The following KIFC3 variants were observed in gnomAD, a reference collection of about 807,000 sequenced individuals.
KIFC3 encodes the protein kinesin-like protein KIFC3.
A neutral mutation model predicts 101.8 loss-of-function variants in KIFC3; 60 were observed. That is an observed-to-expected ratio of 0.59 (90% CI 0.48 to 0.73). The LOEUF is 0.73. Among genes scored for constraint, KIFC3 ranks in the 30% least tolerant of loss-of-function variants. The probability of loss-of-function intolerance (pLI) is 0.00; values close to 1 mark genes in which losing one functional copy is unlikely to be tolerated. For missense variants in KIFC3, 966 were observed against 1,137.1 expected (o/e 0.85, Z 2.16); for synonymous variants, 476 against 482.7 (o/e 0.99, Z 0.18).
chr16:57,858,348 G>C (rs1435869054), intron 1 of KIFC3, among the ~76,000 whole-genome samples: 1 of 152,120 alleles, frequency 6.6e-6, no homozygotes, highest in Non-Finnish European at 1.5e-5. Flanking sequence ...CCCTTCCCCG[G>C]AACACAGAAA....
intron 1 of KIFC3, among the ~76,000 whole-genome samples, chr16:57,810,316 C>T (rs186399535): frequency 6.6e-6 from 1 of 152,352 alleles, no homozygotes; most frequent in East Asian, 1.9e-4. Flanking sequence ...ACTGCTGCTG[C>T]TGCCTTTAAA....
chr16:57,815,001 GAACTGA>G (rs1388805211), intron 1 of KIFC3, among the ~76,000 whole-genome samples: 1 of 152,156 alleles, frequency 6.6e-6, no homozygotes, highest in African/African-American at 2.4e-5. Context: ...AATATGGCTG[GAACTGA>G]AACCAGCCTT....
chr16:57,824,295 G>T (rs186267596), intron 1 of KIFC3, among the ~76,000 whole-genome samples: 3 of 152,336 alleles, frequency 2.0e-5, no homozygotes, highest in African/African-American at 4.8e-5. Flanking sequence ...GCTTGTAGTG[G>T]GTAGGCTGAG....
At chr16:57,777,277 G>T (rs1020323261) in intron 3 of KIFC3, among the ~76,000 whole-genome samples, 8 of 152,162 alleles carry the variant, frequency 5.3e-5, no homozygotes, top group African/African-American at 1.7e-4. Context: ...ACTACCCAAA[G>T]TGATCTACAG....
chr16:57,788,747 G>A, intron 3 of KIFC3: 1 of 1,288,076 alleles, frequency 7.8e-7, no homozygotes, highest in Non-Finnish European at 1.0e-6. Context: ...TCACGTGAAG[G>A]AGACTGTGCC....
chr16:57,775,471 G>A, intron 3 of KIFC3: 10 of 995,874 alleles, frequency 1.0e-5, no homozygotes, highest in Non-Finnish European at 1.1e-5. Context: ...TCCTGCACTT[G>A]AAGGCAGGCA....
intron 1 of KIFC3, among the ~76,000 whole-genome samples, chr16:57,855,898 A>T (rs1332806377): frequency 6.6e-6 from 1 of 151,260 alleles, no homozygotes; most frequent in African/African-American, 2.4e-5. Flanking sequence ...GTGAGCCAAG[A>T]TCATGCCACT....
At chr16:57,802,714 C>T, upstream of KIFC3, 1 of 818,894 alleles carries the variant, frequency 1.2e-6, no homozygotes, top group East Asian at 2.8e-5. This position sits in a 1 kb window ranked among gnomAD's most constrained non-coding sequence, Gnocchi z 5.0. Flanking sequence ...CTCCCCGCGT[C>T]CCGCACTCGC....
intron 1 of KIFC3, among the ~76,000 whole-genome samples, chr16:57,837,716 C>A (rs1407292447): frequency 6.6e-6 from 1 of 152,088 alleles, no homozygotes; most frequent in South Asian, 2.1e-4. Flanking sequence ...GTGTCTGTTT[C>A]CCCCATTAGT....
intron 1 of KIFC3, among the ~76,000 whole-genome samples, chr16:57,823,949 TC>T (rs2055407973): frequency 1.3e-5 from 2 of 152,186 alleles, no homozygotes; most frequent in South Asian, 2.1e-4. Context: ...ACTTGAGGAA[TC>T]TATAGAAAAA....
rs1413848484 is a variant in KIFC3 at position 57,847,298 on chromosome 16, G to A, written c.108+15431C>T. On this transcript the variant is annotated intron_variant, in intron 1 of 2. Transcript: ENST00000563028. ...AAGGGAGGGAGGGAGAGAGGGCGGG[G>A]AGGGAGGGAGGGAGGGAGAGGTGGC... Among the ~76,000 whole-genome samples, 197 of 134,788 alleles carry A rather than the reference G, an allele frequency of 1.5e-3. 2 individuals are homozygous for A. Among genetic ancestry groups the A allele is most frequent in the African/African-American group, 5.1e-3 (179 of 35,032 alleles). 88.4% of individuals were successfully genotyped at this position (134,788 alleles called of 152,430 possible). A position where few individuals can be genotyped will look rare whatever the true frequency, so the allele number is the denominator to read the frequency against.
At chr16:57,776,509 C>T in intron 3 of KIFC3, 1 of 584,376 alleles carries the variant, frequency 1.7e-6, no homozygotes, top group Non-Finnish European at 2.2e-6. Flanking sequence ...TTGGACAAGT[C>T]TCTTAAGTTC....
At chr16:57,788,676 T>C in intron 3 of KIFC3, 1 of 1,289,524 alleles carries the variant, frequency 7.8e-7, no homozygotes, top group African/African-American at 1.5e-5. Flanking sequence ...TTTCGTCCCC[T>C]GACTCTGGCT....
upstream of KIFC3, chr16:57,802,535 C>T (rs2054809733): frequency 2.0e-6 from 2 of 986,586 alleles, no homozygotes; most frequent in African/African-American, 1.7e-5. This position sits in a 1 kb window ranked among gnomAD's most constrained non-coding sequence, Gnocchi z 5.0. Context: ...GGCCGCGGCG[C>T]GTTCCCATGG....
chr16:57,775,215 G>A, intron 3 of KIFC3: 34 of 1,323,422 alleles, frequency 2.6e-5, no homozygotes, highest in Non-Finnish European at 3.3e-5. Flanking sequence ...AGGGCAGGCT[G>A]GGGAGCATGG....
chr16:57,815,675 C>T lies in KIFC3; in HGVS notation c.109-17393G>A, dbSNP rs1435238471. The T allele has an allele frequency of 3.9e-6, 5 of 1,282,202 alleles. No homozygotes were observed. In the African/African-American group the frequency reaches 4.6e-5, roughly 12 times the overall value. 79.4% of individuals were successfully genotyped at this position (1,282,202 alleles called of 1,614,324 possible). A position where few individuals can be genotyped will look rare whatever the true frequency, so the allele number is the denominator to read the frequency against. On this transcript the variant is annotated intron_variant, in intron 1 of 2. Coordinates refer to the KIFC3 transcript ENST00000563028. Reference sequence around the variant, plus strand: ...GTGAAGTGGGTATTCCTGCTAAACACTCCACTCGGGGCCTGGGAGAAGGGG... The same window carrying T: ...GTGAAGTGGGTATTCCTGCTAAACATTCCACTCGGGGCCTGGGAGAAGGGG...
At chr16:57,802,706 C>T (rs2054822676), upstream of KIFC3, 2 of 854,446 alleles carry the variant, frequency 2.3e-6, no homozygotes, top group African/African-American at 1.7e-5. The surrounding 1 kb of genome is among the most constrained non-coding windows in gnomAD (Gnocchi z 5.0). Flanking sequence ...TCTCCCGCCT[C>T]CCCGCGTCCC....
intron 3 of KIFC3, chr16:57,785,493 G>A: frequency 7.8e-7 from 1 of 1,288,548 alleles, no homozygotes; most frequent in Non-Finnish European, 1.0e-6. Context: ...GACGTGGCCT[G>A]CTGGTCACTG....
In KIFC3 at chr16:57,798,158, TCGGGCTCCGGGGCCCGGCC is replaced by T; in HGVS notation, c.67_85del (p.Gly23SerfsTer27). Reference sequence around the variant, plus strand: ...TGGGGCGGGGCGAGCCATCCCCGGCTCGGGCTCCGGGGCCCGGCCCACTCTCCACAGGCCCCGCAGCGAG... The same window carrying T: ...TGGGGCGGGGCGAGCCATCCCCGGCTCACTCTCCACAGGCCCCGCAGCGAG... On this transcript the variant is annotated frameshift_variant, in exon 2 of 20. Transcript: ENST00000445690. LOFTEE classifies it high-confidence loss of function. The T allele has an allele frequency of 1.3e-6, 2 of 1,544,324 alleles. No individual in the cohort carries two copies. The highest frequency in any genetic ancestry group is 2.4e-5 in the South Asian group (2 of 83,138).
Sources: allele counts gnomAD v4.1 joint callset (sites outside exome capture counted in the v4.1 genomes callset), GRCh38; gene constraint gnomAD v4.1.1; non-coding constraint Gnocchi (gnomAD v3.1); transcripts MANE v1.5; gene names NCBI Gene and HGNC (gene_info 2026-07-23, HGNC 2026-07-21).